Variants in ASTN2 observed in about 807,000 individuals in gnomAD.
The protein encoded by ASTN2 is astrotactin-2.
Under a neutral mutation model 139.8 loss-of-function variants are expected in ASTN2, and 54 were observed. The ratio of observed to expected loss-of-function variants is 0.39; its 90% CI spans 0.31 to 0.48. The LOEUF is 0.48. Ranked by LOEUF, ASTN2 falls within the 20% of genes least tolerant of loss-of-function variation. The pLI is 0.95. For synonymous variants in ASTN2, 756 were observed against 719.5 expected, an observed-to-expected ratio of 1.05 and a Z score of -0.81; for missense variants, 1,565 against 1,725.1, an observed-to-expected ratio of 0.91 and a Z score of 1.64.
intron 6 of ASTN2, among the ~76,000 whole-genome samples, chr9:117,026,780 C>T (rs899142250): frequency 6.6e-6 from 1 of 152,160 alleles, no homozygotes; most frequent in Non-Finnish European, 1.5e-5. Context: ...GACAGCTACA[C>T]TCTCTGCCAA....
In ASTN2 at chr9:117,291,610, T is replaced by A. The variant is rs1010366215; in HGVS notation, c.443-97A>T. 11 of 1,174,204 alleles carry A rather than the reference T, an allele frequency of 9.4e-6. No homozygotes were observed. In the African/African-American group the frequency reaches 1.7e-4, roughly 18 times the overall value. 72.7% of individuals were successfully genotyped at this position (1,174,204 alleles called of 1,614,324 possible). A position where few individuals can be genotyped will look rare whatever the true frequency, so the allele number is the denominator to read the frequency against. On this transcript the variant is annotated intron_variant, in intron 1 of 22. Transcript: ENST00000313400. ...CACATAATCAGGAGCTCAGAAGGCA[T>A]CCATTTTTTGCCAGGATACCTTTCC...
At chr9:116,764,341 A>G (rs1445790340) in intron 13 of ASTN2, among the ~76,000 whole-genome samples, 4 of 152,156 alleles carry the variant, frequency 2.6e-5, no homozygotes, top group African/African-American at 9.7e-5. Context: ...GTCTTAGCCC[A>G]GTTTGAGCCA....
chr9:117,255,251 A>G (rs1452088332), intron 2 of ASTN2, among the ~76,000 whole-genome samples: 3 of 152,330 alleles, frequency 2.0e-5, no homozygotes, highest in South Asian at 4.1e-4. Context: ...TGCATTCTGT[A>G]TATTTATCGG....
chr9:116,941,477 G>A (rs2132469269), intron 10 of ASTN2, among the ~76,000 whole-genome samples: 1 of 151,660 alleles, frequency 6.6e-6, no homozygotes, highest in Non-Finnish European at 1.5e-5. Flanking sequence ...GCCAGCAGGA[G>A]AATCCCCTCT....
In ASTN2 at chr9:117,166,874, A is replaced by T. The variant is rs188556180; in HGVS notation, c.1016-25396T>A. On this transcript the variant is annotated intron_variant, in intron 3 of 22. Coordinates refer to ENST00000313400, the MANE Select transcript of ASTN2 (RefSeq NM_001365068.1). ...CACCAGGAATGCAACATGATGTTTG[A>T]CTTCTTTCCTCTCTTAGACTCAGTT... Among the ~76,000 whole-genome samples, 226 of 152,220 alleles carry T rather than the reference A, an allele frequency of 1.5e-3. 2 individuals are homozygous for T. In the Middle Eastern group the frequency reaches 0.054, roughly 37 times the overall value.
At chr9:117,011,793 C>G (rs1485477270) in intron 6 of ASTN2, among the ~76,000 whole-genome samples, 1 of 152,166 alleles carries the variant, frequency 6.6e-6, no homozygotes, top group Non-Finnish European at 1.5e-5. Context: ...TTTGCACAAC[C>G]AGTAAGTGGC....
chr9:116,998,696 T>C (rs925610628), intron 7 of ASTN2, among the ~76,000 whole-genome samples: 2 of 152,208 alleles, frequency 1.3e-5, no homozygotes, highest in Admixed American at 6.5e-5. Flanking sequence ...ATAATGTATA[T>C]ACCCATATAC....
intron 3 of ASTN2, among the ~76,000 whole-genome samples, chr9:117,214,099 G>A (rs868504479): frequency 6.6e-6 from 1 of 152,294 alleles, no homozygotes; most frequent in Middle Eastern, 3.4e-3. Flanking sequence ...AAGAGACACT[G>A]GAAAGATGTT....
chr9:117,071,297 G>GC (rs771623992), intron 5 of ASTN2, among the ~76,000 whole-genome samples: 2,768 of 151,572 alleles, frequency 0.018, 45 homozygotes, highest in Non-Finnish European at 0.027. Flanking sequence ...GCCCCTGCTG[G>GC]GGGGTGCCTC....
intron 5 of ASTN2, among the ~76,000 whole-genome samples, chr9:117,050,801 A>T (rs1418159901): frequency 6.6e-6 from 1 of 152,076 alleles, no homozygotes; most frequent in Non-Finnish European, 1.5e-5. Context: ...TTTTCCTGAC[A>T]GTGACACTGT....
intron 13 of ASTN2, among the ~76,000 whole-genome samples, chr9:116,759,744 T>C (rs1403792149): frequency 6.6e-6 from 1 of 152,148 alleles, no homozygotes; most frequent in African/African-American, 2.4e-5. Context: ...TGGAAATACA[T>C]GTTTATTTTC....
chr9:117,146,813 G>A (rs1371437882), intron 3 of ASTN2, among the ~76,000 whole-genome samples: 7 of 152,074 alleles, frequency 4.6e-5, no homozygotes, highest in African/African-American at 1.2e-4. Flanking sequence ...AGGATAGAAG[G>A]ACTAAGTTCT....
chr9:117,195,174 C>A (rs1312142319), intron 3 of ASTN2, among the ~76,000 whole-genome samples: 2 of 151,990 alleles, frequency 1.3e-5, no homozygotes, highest in Non-Finnish European at 2.9e-5. Flanking sequence ...TGACAGAAGA[C>A]AAAAGAGAGG....
intron 19 of ASTN2, among the ~76,000 whole-genome samples, chr9:116,533,337 T>C (rs988127214): frequency 1.3e-5 from 2 of 152,172 alleles, no homozygotes; most frequent in Admixed American, 6.5e-5. Flanking sequence ...CTTTTCCTAA[T>C]TGAATACCCT....
chr9:117,309,976 C>T (rs1327832542), intron 1 of ASTN2, among the ~76,000 whole-genome samples: 2 of 152,298 alleles, frequency 1.3e-5, no homozygotes, highest in East Asian at 3.9e-4. Flanking sequence ...AATTATGTAG[C>T]TGGTCCTGTC....
At chr9:117,112,419 G>A (rs1829273665) in intron 4 of ASTN2, among the ~76,000 whole-genome samples, 1 of 152,132 alleles carries the variant, frequency 6.6e-6, no homozygotes, top group East Asian at 1.9e-4. Context: ...ACAAGACAGT[G>A]TTGTATTGGC....
At chr9:116,690,322 G>C (rs911166986) in intron 16 of ASTN2, among the ~76,000 whole-genome samples, 2 of 152,188 alleles carry the variant, frequency 1.3e-5, no homozygotes, top group Non-Finnish European at 2.9e-5. Context: ...AAAAATAACA[G>C]GTTAAATGAC....
intron 19 of ASTN2, among the ~76,000 whole-genome samples, chr9:116,602,546 C>A (rs1460095807): frequency 6.6e-6 from 1 of 152,076 alleles, no homozygotes. Flanking sequence ...GGAGAGTATG[C>A]ATGAAAAATG....
At chr9:117,080,604 AT>A (rs1564416656) in intron 5 of ASTN2, among the ~76,000 whole-genome samples, 1 of 152,218 alleles carries the variant, frequency 6.6e-6, no homozygotes, top group South Asian at 2.1e-4. Context: ...GTTTTCATTT[AT>A]TTCTATTTTT....
Sources: allele counts gnomAD v4.1 joint callset (sites outside exome capture counted in the v4.1 genomes callset), GRCh38; gene constraint gnomAD v4.1.1; transcripts MANE v1.5; gene names NCBI Gene and HGNC (gene_info 2026-07-23, HGNC 2026-07-21).